Variants in SSC4D observed in about 807,000 individuals in gnomAD.
The protein encoded by SSC4D is scavenger receptor cysteine rich family member with 4 domains, also known as scavenger receptor cysteine-rich domain-containing group B protein.
A neutral mutation model predicts 63.4 loss-of-function variants in SSC4D; 57 were observed. The observed-to-expected ratio is 0.90, with a 90% CI of 0.73 to 1.12. The LOEUF is 1.12. Among genes scored for constraint, SSC4D ranks in the 50% most tolerant of loss-of-function variants. SSC4D has a pLI of 0.00. For missense variants in SSC4D, 791 were observed against 806.4 expected, an observed-to-expected ratio of 0.98 and a Z score of 0.23; for synonymous variants, 352 against 345.4, an observed-to-expected ratio of 1.02 and a Z score of -0.21.
intron 2 of SSC4D, among the ~76,000 whole-genome samples, chr7:76,401,285 A>C (rs1409494640): frequency 6.6e-6 from 1 of 152,136 alleles, no homozygotes; most frequent in African/African-American, 2.4e-5. Flanking sequence ...GTAAATCTGT[A>C]GATCTGCACA....
intron 1 of SSC4D, among the ~76,000 whole-genome samples, chr7:76,405,301 A>ATATATATG (rs1804969882): frequency 2.2e-5 from 1 of 45,294 alleles, no homozygotes; most frequent in South Asian, 9.3e-4. Flanking sequence ...ATATATATAT[A>ATATATATG]TATATATATA....
rs115316236 is a variant in SSC4D at position 76,400,276 on chromosome 7, C to G, written c.475+10G>C. The G allele has an allele frequency of 1.5e-3, 2,158 of 1,457,006 alleles. 36 individuals carry two copies. The African/African-American group carries it at 0.028, about 19-fold the overall frequency. The allele number at this position is 1,457,006 out of a possible 1,614,324, so 90.3% of individuals were successfully genotyped here. A position where few individuals can be genotyped will look rare whatever the true frequency, so the allele number is the denominator to read the frequency against. On this transcript the variant is annotated intron_variant, in intron 4 of 10. Transcript: ENST00000275560. Reference sequence around the variant, plus strand: ...CTGTCTGTCCCTCCAGGTCCCAGGGCTCCACTCACCATCACACAGGACAGC... The same window carrying G: ...CTGTCTGTCCCTCCAGGTCCCAGGGGTCCACTCACCATCACACAGGACAGC...
chr7:76,392,827 C>T (rs1413734369), intron 9 of SSC4D, among the ~76,000 whole-genome samples: 2 of 152,012 alleles, frequency 1.3e-5, no homozygotes, highest in Non-Finnish European at 2.9e-5. Context: ...TGTTGTGCCT[C>T]TCCAAACCTT....
intron 7 of SSC4D, among the ~76,000 whole-genome samples, chr7:76,394,121 T>G (rs1804574388): frequency 6.6e-6 from 1 of 152,176 alleles, no homozygotes; most frequent in Admixed American, 6.5e-5. Context: ...TATCCTAACT[T>G]CAGGCCCAGG....
At chr7:76,400,733 C>T (rs950926309) in intron 3 of SSC4D, 142 bp from the exon 4 acceptor site, 5 of 1,087,292 alleles carry the variant, frequency 4.6e-6, no homozygotes, top group Non-Finnish European at 6.3e-6. Flanking sequence ...GTCTCAAACT[C>T]CTGGGCTCAA....
At chr7:76,395,711 G>A (rs1034990183) in intron 6 of SSC4D, among the ~76,000 whole-genome samples, 1 of 152,056 alleles carries the variant, frequency 6.6e-6, no homozygotes, top group African/African-American at 2.4e-5. Context: ...TTTTTTTTGA[G>A]ATGGAGTTTC....
At chr7:76,393,320 A>T (rs1014024631) in intron 9 of SSC4D, 85 bp downstream of exon 9, 1 of 1,248,786 alleles carries the variant, frequency 8.0e-7, no homozygotes, top group South Asian at 2.7e-5. Flanking sequence ...GCCGCAAGAG[A>T]GGCCTCGCGC....
At chr7:76,401,138 T>C in intron 2 of SSC4D, 95 bp from the exon 3 acceptor site, 2 of 1,417,478 alleles carry the variant, frequency 1.4e-6, no homozygotes, top group Non-Finnish European at 1.9e-6. Context: ...GTCCTCAACA[T>C]TACCCCCATC....
At chr7:76,408,940 C>A (rs765733786) in intron 1 of SSC4D, among the ~76,000 whole-genome samples, 2 of 152,158 alleles carry the variant, frequency 1.3e-5, no homozygotes, top group Non-Finnish European at 2.9e-5. Context: ...ATGACCTTCA[C>A]CTTGCAAAGC....
rs184801392 is a variant in SSC4D, at chr7:76,407,631, G to T, written c.-67+1783C>A. Among the ~76,000 whole-genome samples, 799 of 152,216 alleles carry T rather than the reference G, an allele frequency of 5.2e-3. 1 individual carries two copies. The highest frequency in any genetic ancestry group is 8.9e-3 in the Non-Finnish European group (607 of 68,008). On this transcript the variant is annotated intron_variant, in intron 1 of 10. Coordinates refer to ENST00000275560, the MANE Select transcript of SSC4D (RefSeq NM_080744.2). ...GCCTGTAATCCCAGTGCTTTGGGAGGCTAAGGCAGGAGGATCACTTGAGCC... is the reference window on the plus strand; with the variant it reads ...GCCTGTAATCCCAGTGCTTTGGGAGTCTAAGGCAGGAGGATCACTTGAGCC...
chr7:76,393,291 A>G (rs931358997), intron 9 of SSC4D, 114 bp downstream of exon 9: 17 of 1,129,302 alleles, frequency 1.5e-5, no homozygotes, highest in Non-Finnish European at 1.8e-5. Flanking sequence ...CGGAGTGCGC[A>G]TGCTCCCCGG....
At chr7:76,405,364 T>G (rs1273715169) in intron 1 of SSC4D, among the ~76,000 whole-genome samples, 1 of 106,220 alleles carries the variant, frequency 9.4e-6, no homozygotes, top group Non-Finnish European at 1.9e-5. Flanking sequence ...TTTTTTTTGG[T>G]AGAGAGGGTG....
chr7:76,391,523 G>A (rs1007226499), intron 10 of SSC4D, among the ~76,000 whole-genome samples: 1 of 152,218 alleles, frequency 6.6e-6, no homozygotes, highest in South Asian at 2.1e-4. Context: ...TGAGTGATCC[G>A]CGACGTGTAC....
chr7:76,398,000 T>C (rs1354486317), intron 5 of SSC4D, among the ~76,000 whole-genome samples, 168 bp from the exon 6 acceptor site: 1 of 152,078 alleles, frequency 6.6e-6, no homozygotes, highest in Non-Finnish European at 1.5e-5. Context: ...TGTGGGATCA[T>C]AGTATCATTT....
intron 8 of SSC4D, 56 bp from the exon 9 acceptor site, chr7:76,393,772 G>GA: frequency 7.4e-7 from 1 of 1,347,318 alleles, no homozygotes. Context: ...GCCGGCTCCC[G>GA]GCAGAGCCCC....
intron 1 of SSC4D, among the ~76,000 whole-genome samples, chr7:76,405,310 TATATATG>T (rs1804973949): frequency 1.5e-5 from 1 of 66,470 alleles, no homozygotes; most frequent in African/African-American, 7.0e-5. Flanking sequence ...TATATATATA[TATATATG>T]TATTTTTTTC....
At chr7:76,405,114 T>A (rs1167718263) in intron 1 of SSC4D, among the ~76,000 whole-genome samples, 2 of 146,568 alleles carry the variant, frequency 1.4e-5, no homozygotes, top group African/African-American at 5.0e-5. Context: ...ATTAGTAGAT[T>A]TTTTTTTTCA....
Position 76,407,085 on chromosome 7 carries a change from C to T in SSC4D, c.-67+2329G>A, listed in dbSNP as rs564021391. ...AAGGAATTCTTCTGCCTCAGCCTCC[C>T]GAGTAGCTGGGATTACTGGCATGTG... On this transcript the variant is annotated intron_variant, in intron 1 of 10. Coordinates refer to ENST00000275560, the MANE Select transcript of SSC4D (RefSeq NM_080744.2). 6.6e-5 allele frequency among the ~76,000 whole-genome samples: 10 copies of T among 151,910 alleles called. 1 individual carries two copies. In the South Asian group the frequency reaches 1.9e-3, roughly 28 times the overall value.
chr7:76,405,271 T>TTTTATATATATATA (rs1287607628), intron 1 of SSC4D, among the ~76,000 whole-genome samples: 3 of 9,136 alleles, frequency 3.3e-4, no homozygotes, highest in Non-Finnish European at 5.3e-4. Context: ...ACCCAGCTAA[T>TTTTATATATATATA]TATATATATA....
Sources: gnomAD v4.1 joint callset for allele counts (sites outside exome capture counted in the v4.1 genomes callset) on GRCh38, gnomAD v4.1.1 for gene constraint, MANE v1.5 for transcripts, NCBI Gene and HGNC (gene_info 2026-07-23, HGNC 2026-07-21) for gene names.